Variants in ODAD2 observed in about 807,000 individuals in gnomAD.
ODAD2 encodes outer dynein arm docking complex subunit 2, also known as outer dynein arm-docking complex subunit 2.
ODAD2 carries 89 observed loss-of-function variants against 106.8 expected under a neutral mutation model. The observed-to-expected ratio is 0.83, with a 90% confidence interval of 0.70 to 0.99. The LOEUF is 0.99. Among genes scored for constraint, ODAD2 ranks in the 50% least tolerant of loss-of-function variants. The probability of loss-of-function intolerance (pLI) is 0.00; values close to 1 mark genes in which losing one functional copy is unlikely to be tolerated. For synonymous variants in ODAD2, 404 were observed against 436.2 expected, an observed-to-expected ratio of 0.93 and a Z score of 0.92; for missense variants, 1,168 against 1,238.5, an observed-to-expected ratio of 0.94 and a Z score of 0.85.
intron 19 of ODAD2, among the ~76,000 whole-genome samples, chr10:27,817,295 T>C (rs1273528572): frequency 6.6e-6 from 1 of 152,222 alleles, no homozygotes; most frequent in East Asian, 1.9e-4. Context: ...TCAGAATTTT[T>C]ATTGATCTCT....
chr10:27,944,189 C>G (rs1387603480), intron 12 of ODAD2, 33 bp downstream of exon 12: 1 of 1,570,738 alleles, frequency 6.4e-7, no homozygotes, highest in African/African-American at 1.4e-5. Flanking sequence ...GCGGCTGGCA[C>G]TAGATGACGA....
chr10:27,923,422 C>T (rs574575232), intron 16 of ODAD2, among the ~76,000 whole-genome samples: 1 of 152,166 alleles, frequency 6.6e-6, no homozygotes, highest in South Asian at 2.1e-4. Flanking sequence ...CTTGAAATAT[C>T]AAAAGTCATA....
intron 10 of ODAD2, among the ~76,000 whole-genome samples, chr10:27,949,653 G>A (rs546363704): frequency 2.6e-5 from 4 of 152,304 alleles, no homozygotes; most frequent in East Asian, 1.9e-4. Flanking sequence ...TGGGCCCAGA[G>A]TCTGGGCTGA....
chr10:27,906,996 AG>A, intron 17 of ODAD2, among the ~76,000 whole-genome samples: 1 of 152,294 alleles, frequency 6.6e-6, no homozygotes, highest in East Asian at 1.9e-4. Flanking sequence ...CATGTATCCC[AG>A]AACTTAGAGT....
chr10:27,989,818 C>T (rs1361407666), intron 2 of ODAD2, among the ~76,000 whole-genome samples: 2 of 151,830 alleles, frequency 1.3e-5, no homozygotes, highest in African/African-American at 4.8e-5. Context: ...CACTGCACTC[C>T]AACCTGAGTG....
At chr10:27,868,948 T>G (rs1840657109) in intron 17 of ODAD2, among the ~76,000 whole-genome samples, 1 of 151,882 alleles carries the variant, frequency 6.6e-6, no homozygotes, top group Admixed American at 6.6e-5. Context: ...TAGAAAGACA[T>G]GCCTACAAAA....
intron 13 of ODAD2, among the ~76,000 whole-genome samples, chr10:27,940,360 G>GATAT (rs895453171): frequency 6.6e-6 from 1 of 150,934 alleles, no homozygotes; most frequent in Non-Finnish European, 1.5e-5. Context: ...ATATGTGTGA[G>GATAT]ATATATATAT....
intron 19 of ODAD2, among the ~76,000 whole-genome samples, chr10:27,822,621 A>G (rs1191362819): frequency 2.6e-5 from 4 of 152,202 alleles, no homozygotes. Flanking sequence ...AGTTTCTTGC[A>G]CATCCAGACT....
intron 16 of ODAD2, among the ~76,000 whole-genome samples, chr10:27,923,742 G>A (rs1341004431): frequency 6.6e-6 from 1 of 151,896 alleles, no homozygotes; most frequent in Non-Finnish European, 1.5e-5. Context: ...GAGGACAGGA[G>A]TTCAAGACCA....
At chr10:27,882,209 GAAA>G (rs1841777570) in intron 17 of ODAD2, among the ~76,000 whole-genome samples, 1 of 150,858 alleles carries the variant, frequency 6.6e-6, no homozygotes, top group African/African-American at 2.4e-5. Flanking sequence ...AAGAAAGAAA[GAAA>G]GAAAGAAAGA....
chr10:27,924,832 C>T (rs1845142203), intron 16 of ODAD2, among the ~76,000 whole-genome samples: 2 of 150,974 alleles, frequency 1.3e-5, no homozygotes, highest in Admixed American at 6.6e-5. Context: ...GAATAAAAAA[C>T]ATAAATAGAC....
intron 17 of ODAD2, among the ~76,000 whole-genome samples, chr10:27,869,448 G>T (rs1326268918): frequency 6.6e-6 from 1 of 150,948 alleles, no homozygotes; most frequent in East Asian, 1.9e-4. Flanking sequence ...GTAATATAAA[G>T]ATATATTCTG....
At chr10:27,813,020 T>C (rs964428508) in intron 19 of ODAD2, among the ~76,000 whole-genome samples, 6 of 152,218 alleles carry the variant, frequency 3.9e-5, no homozygotes, top group Non-Finnish European at 8.8e-5. Flanking sequence ...CACCTGATCA[T>C]GTCACAACCT....
chr10:27,996,618 A>G (rs1850572752), intron 1 of ODAD2, among the ~76,000 whole-genome samples: 1 of 152,210 alleles, frequency 6.6e-6, no homozygotes, highest in Non-Finnish European at 1.5e-5. Flanking sequence ...CACTTTGCAA[A>G]AATTGCAGAG....
chr10:27,990,546 A>T (rs1694916297), intron 2 of ODAD2, among the ~76,000 whole-genome samples: 1 of 152,252 alleles, frequency 6.6e-6, no homozygotes, highest in Non-Finnish European at 1.5e-5. Context: ...TATAGCTAAG[A>T]AACTAGCAGT....
intron 17 of ODAD2, among the ~76,000 whole-genome samples, chr10:27,868,157 G>C (rs374283436): frequency 6.6e-6 from 1 of 152,090 alleles, no homozygotes; most frequent in East Asian, 1.9e-4. Context: ...TGAGAATGAC[G>C]ATCATTAAAA....
chr10:27,872,854 G>C (rs536747246), intron 17 of ODAD2, among the ~76,000 whole-genome samples: 2 of 152,252 alleles, frequency 1.3e-5, no homozygotes, highest in African/African-American at 4.8e-5. Context: ...TTGGTATCAG[G>C]ATGATGCTGG....
At chr10:27,887,158 A>G (rs959124656) in intron 17 of ODAD2, among the ~76,000 whole-genome samples, 3 of 152,014 alleles carry the variant, frequency 2.0e-5, no homozygotes, top group Admixed American at 1.3e-4. Context: ...TTGAAAGTCA[A>G]ACGTTGAAAT....
chr10:27,998,815 G>GC (rs904848195), intron 1 of ODAD2, among the ~76,000 whole-genome samples, 179 bp downstream of exon 1: 12 of 152,164 alleles, frequency 7.9e-5, no homozygotes, highest in Admixed American at 1.3e-4. Flanking sequence ...GCAGCACCCT[G>GC]CCCCCCGCAG....
Sources: allele counts gnomAD v4.1 joint callset (sites outside exome capture counted in the v4.1 genomes callset), GRCh38; gene constraint gnomAD v4.1.1; transcripts MANE v1.5; gene names NCBI Gene and HGNC (gene_info 2026-07-23, HGNC 2026-07-21).